DLGAP1: variants seen among roughly 807,000 people sequenced by gnomAD.
DLGAP1 encodes disks large-associated protein 1.
DLGAP1 carries 11 observed loss-of-function variants against 90.8 expected under a neutral mutation model. That is an observed-to-expected ratio of 0.12 (90% confidence interval 0.08 to 0.20). The LOEUF is 0.20. DLGAP1 is among the 10% of genes least tolerant of loss of function. DLGAP1 has a pLI of 1.00. For missense variants in DLGAP1, 1,050 were observed against 1,333.8 expected (o/e 0.79, Z 3.31); for synonymous variants, 558 against 540.7 (o/e 1.03, Z -0.44).
chr18:4,318,898 T>C (rs2080602049), intron 1 of DLGAP1, among the ~76,000 whole-genome samples: 1 of 152,200 alleles, frequency 6.6e-6, no homozygotes. Context: ...TTCAGTTGGA[T>C]AGGAGGAATA....
intron 2 of DLGAP1, among the ~76,000 whole-genome samples, chr18:4,023,536 T>C (rs1327750821): frequency 1.3e-5 from 2 of 152,234 alleles, no homozygotes; most frequent in African/African-American, 4.8e-5. Flanking sequence ...AACTTTATTT[T>C]TATGTCTCTT....
intron 7 of DLGAP1, among the ~76,000 whole-genome samples, chr18:3,663,249 C>A (rs2059750979): frequency 6.6e-6 from 1 of 150,890 alleles, no homozygotes; most frequent in Non-Finnish European, 1.5e-5. Context: ...TCAGCCTGGG[C>A]AAGGAGAGCA....
chr18:3,980,255 C>T (rs897316615), intron 3 of DLGAP1, among the ~76,000 whole-genome samples: 1 of 152,124 alleles, frequency 6.6e-6, no homozygotes, highest in African/African-American at 2.4e-5. Context: ...TCTCAGGCAT[C>T]GCGGCCTATC....
intron 1 of DLGAP1, among the ~76,000 whole-genome samples, chr18:4,254,497 T>C (rs957918765): frequency 6.6e-6 from 1 of 152,226 alleles, no homozygotes; most frequent in African/African-American, 2.4e-5. Flanking sequence ...CTAGGTCTTA[T>C]TAAACTCAAT....
chr18:3,664,218 C>CACACACCCACA (rs1555620386), intron 7 of DLGAP1, among the ~76,000 whole-genome samples: 10 of 75,772 alleles, frequency 1.3e-4, no homozygotes, highest in African/African-American at 5.2e-4. Context: ...ACACACACAC[C>CACACACCCACA]CACACACACA....
At chr18:3,760,272 G>A (rs368628367) in intron 5 of DLGAP1, among the ~76,000 whole-genome samples, 5 of 152,286 alleles carry the variant, frequency 3.3e-5, no homozygotes, top group Middle Eastern at 3.4e-3. Flanking sequence ...AGGGAACTGC[G>A]GAAGGAAGAC....
chr18:4,122,182 C>T (rs201371296), intron 2 of DLGAP1, among the ~76,000 whole-genome samples: 2 of 152,166 alleles, frequency 1.3e-5, no homozygotes, highest in African/African-American at 4.8e-5. Context: ...GTTGCATAGA[C>T]ACAACCTTTG....
At chr18:3,728,398 A>G (rs1197457932) in intron 7 of DLGAP1, among the ~76,000 whole-genome samples, 2 of 151,316 alleles carry the variant, frequency 1.3e-5, no homozygotes, top group Admixed American at 1.3e-4. Flanking sequence ...ACACATTGTC[A>G]TATATAGCCC....
rs1215512566 is a variant in DLGAP1, at chr18:3,951,789, A to AT, written c.-73+53326dup. ...ATAAGGAGCTCTTCCCCCTTCACAC[A>AT]TTTTTTTCTCTCTTGTTGCTTTGTG... On this transcript the variant is annotated intron_variant, in intron 3 of 12. Coordinates refer to ENST00000315677, the MANE Select transcript of DLGAP1 (RefSeq NM_004746.4). 2.0e-5 allele frequency among the ~76,000 whole-genome samples: 3 copies of AT among 152,000 alleles called. No homozygotes were observed. The East Asian group carries it at 5.8e-4, about 29-fold the overall frequency.
At chr18:4,188,737 C>T (rs1000382874) in intron 1 of DLGAP1, among the ~76,000 whole-genome samples, 20 of 152,118 alleles carry the variant, frequency 1.3e-4, no homozygotes, top group African/African-American at 4.8e-4. Context: ...TGGATTGGTT[C>T]CAAGTCTTTG....
chr18:3,609,754 CAAATATGAA>C (rs1342609734), intron 7 of DLGAP1, among the ~76,000 whole-genome samples: 1 of 151,732 alleles, frequency 6.6e-6, no homozygotes, highest in Non-Finnish European at 1.5e-5. Flanking sequence ...CAACAAAATT[CAAATATGAA>C]AACCATCTCG....
chr18:4,131,689 G>A (rs1239208514), intron 2 of DLGAP1, among the ~76,000 whole-genome samples: 1 of 152,120 alleles, frequency 6.6e-6, no homozygotes, highest in East Asian at 1.9e-4. Flanking sequence ...TCTCAAACGT[G>A]GGCAAGAGAA....
chr18:3,700,601 A>AT (rs1402803088), intron 7 of DLGAP1, among the ~76,000 whole-genome samples: 1 of 151,654 alleles, frequency 6.6e-6, no homozygotes, highest in Non-Finnish European at 1.5e-5. Context: ...ATTTTATTTT[A>AT]TTTTTTTAAA....
chr18:3,954,739 C>T (rs1012276706), intron 3 of DLGAP1, among the ~76,000 whole-genome samples: 4 of 152,126 alleles, frequency 2.6e-5, no homozygotes, highest in Non-Finnish European at 5.9e-5. Flanking sequence ...GACAGTGTTA[C>T]GAGGGGCAGA....
intron 7 of DLGAP1, among the ~76,000 whole-genome samples, chr18:3,656,457 G>T (rs988182445): frequency 6.6e-6 from 1 of 152,158 alleles, no homozygotes; most frequent in African/African-American, 2.4e-5. Flanking sequence ...ACAATAGGAT[G>T]CTAGGGACCA....
chr18:4,212,450 G>A (rs960773447), intron 1 of DLGAP1, among the ~76,000 whole-genome samples: 2 of 151,586 alleles, frequency 1.3e-5, no homozygotes, highest in African/African-American at 4.8e-5. Flanking sequence ...TGGATCACTT[G>A]AGGTCAAGAG....
intron 4 of DLGAP1, among the ~76,000 whole-genome samples, chr18:3,828,445 G>A (rs1231065961): frequency 6.6e-6 from 1 of 151,934 alleles, no homozygotes; most frequent in Admixed American, 6.6e-5. Flanking sequence ...TTTGAGATCA[G>A]CCTGGGCAAC....
At chr18:4,170,370 A>T (rs2077002258) in intron 1 of DLGAP1, among the ~76,000 whole-genome samples, 1 of 152,138 alleles carries the variant, frequency 6.6e-6, no homozygotes. Context: ...GTTAAGTTTT[A>T]AAATGTCTAT....
intron 3 of DLGAP1, among the ~76,000 whole-genome samples, chr18:3,965,729 C>T (rs1038411424): frequency 1.3e-5 from 2 of 151,932 alleles, no homozygotes; most frequent in Non-Finnish European, 2.9e-5. Flanking sequence ...GGGCTGATTA[C>T]CTGAGGTCAG....
Sources: allele counts gnomAD v4.1 joint callset (sites outside exome capture counted in the v4.1 genomes callset), GRCh38; gene constraint gnomAD v4.1.1; transcripts MANE v1.5; gene names NCBI Gene and HGNC (gene_info 2026-07-23, HGNC 2026-07-21).